CADPS2: variants seen among roughly 807,000 people sequenced by gnomAD.
The protein encoded by CADPS2 is calcium-dependent secretion activator 2.
Under a neutral mutation model 172.5 loss-of-function variants are expected in CADPS2, and 93 were observed. The observed-to-expected ratio is 0.54, with a 90% CI of 0.46 to 0.64. The LOEUF is 0.64. CADPS2 is among the 30% of genes least tolerant of loss of function. The probability of loss-of-function intolerance (pLI) is 0.00; values close to 1 mark genes in which losing one functional copy is unlikely to be tolerated. For missense variants in CADPS2, 1,420 were observed against 1,565.9 expected (o/e 0.91, Z 1.57); for synonymous variants, 546 against 555.2 (o/e 0.98, Z 0.23).
intron 2 of CADPS2, among the ~76,000 whole-genome samples, chr7:122,710,799 T>C (rs2088575920): frequency 6.6e-6 from 1 of 152,130 alleles, no homozygotes; most frequent in Non-Finnish European, 1.5e-5. Flanking sequence ...AATTTTGCCT[T>C]ATATTATATA....
chr7:122,521,963 T>C (rs2060839177), intron 8 of CADPS2, among the ~76,000 whole-genome samples: 1 of 152,122 alleles, frequency 6.6e-6, no homozygotes, highest in Non-Finnish European at 1.5e-5. Context: ...ACTAAAAATT[T>C]GCTTGCTATA....
chr7:122,682,337 A>C (rs1304785615), intron 2 of CADPS2, among the ~76,000 whole-genome samples: 1 of 152,212 alleles, frequency 6.6e-6, no homozygotes, highest in Non-Finnish European at 1.5e-5. Context: ...AAGTCAAAGA[A>C]GATACCAGCT....
Position 122,438,495 on chromosome 7 carries a change from G to A in CADPS2, c.2353-31C>T, listed in dbSNP as rs180958201. 754 of 1,609,854 alleles carry A rather than the reference G, an allele frequency of 4.7e-4. 7 individuals carry two copies. Among genetic ancestry groups the A allele is most frequent in the Non-Finnish European group, 2.7e-5 (32 of 1,177,388 alleles). ...GAGAGAGGAAGTGGAAGGGTGAGGG[G>A]CAGGGTTGGGGATAGACAGATGGAA... On this transcript the variant is annotated intron_variant, in intron 16 of 29. Transcript: ENST00000449022.
At chr7:122,395,710 C>T (rs1158107323) in intron 20 of CADPS2, among the ~76,000 whole-genome samples, 1 of 152,180 alleles carries the variant, frequency 6.6e-6, no homozygotes, top group East Asian at 1.9e-4. Context: ...TCCTCCTCCT[C>T]ATCCCTAGCA....
intron 25 of CADPS2, among the ~76,000 whole-genome samples, chr7:122,361,246 T>TA (rs199505684): frequency 3.2e-4 from 35 of 109,362 alleles, no homozygotes; most frequent in Non-Finnish European, 3.7e-4. Context: ...TTTTTTTTTT[T>TA]AAAATGAGAT....
intron 8 of CADPS2, among the ~76,000 whole-genome samples, chr7:122,538,085 A>G (rs943847588): frequency 4.0e-5 from 6 of 151,666 alleles, no homozygotes; most frequent in Admixed American, 2.0e-4. Context: ...TCCAGATATT[A>G]TTGAAAATAC....
chr7:122,455,937 A>G (rs1242212015), intron 14 of CADPS2, among the ~76,000 whole-genome samples: 1 of 152,116 alleles, frequency 6.6e-6, no homozygotes, highest in Non-Finnish European at 1.5e-5. Context: ...TCCTGGCCTC[A>G]GGTGATCCAC....
intron 29 of CADPS2, among the ~76,000 whole-genome samples, chr7:122,321,327 C>T (rs560043309): frequency 1.1e-4 from 17 of 152,212 alleles, no homozygotes; most frequent in Admixed American, 4.6e-4. Flanking sequence ...CTACTGCGCT[C>T]GGCTAACTTT....
At chr7:122,699,170 G>A (rs923387540) in intron 2 of CADPS2, 1 of 404,078 alleles carries the variant, frequency 2.5e-6, no homozygotes, top group African/African-American at 2.1e-5. Flanking sequence ...ATTGTGTGAT[G>A]TGATTATGAC....
chr7:122,357,135 C>G (rs1172785420), intron 27 of CADPS2, among the ~76,000 whole-genome samples: 1 of 152,182 alleles, frequency 6.6e-6, no homozygotes, highest in Admixed American at 6.5e-5. Flanking sequence ...ATTTCCAACT[C>G]TAATCCATTA....
At chr7:122,854,967 A>G (rs1278616653) in intron 1 of CADPS2, among the ~76,000 whole-genome samples, 1 of 152,250 alleles carries the variant, frequency 6.6e-6, no homozygotes, top group African/African-American at 2.4e-5. Context: ...TTTGTTATAT[A>G]TATGAAAATA....
chr7:122,382,025 T>C (rs966321523), intron 24 of CADPS2, among the ~76,000 whole-genome samples: 1 of 152,036 alleles, frequency 6.6e-6, no homozygotes, highest in Non-Finnish European at 1.5e-5. Context: ...GGCACATGAG[T>C]GTGAGAGAAA....
intron 1 of CADPS2, among the ~76,000 whole-genome samples, chr7:122,854,706 G>A (rs570897987): frequency 3.3e-5 from 5 of 152,158 alleles, no homozygotes; most frequent in South Asian, 2.1e-4. Context: ...CTTCAAGTGT[G>A]AGCAGCCAGC....
chr7:122,349,309 T>C (rs1269884566), intron 27 of CADPS2, among the ~76,000 whole-genome samples: 2 of 152,236 alleles, frequency 1.3e-5, no homozygotes, highest in African/African-American at 2.4e-5. Flanking sequence ...TTTCTTAATA[T>C]GAGAAAAATA....
At chr7:122,847,306 A>G (rs1812258087) in intron 1 of CADPS2, among the ~76,000 whole-genome samples, 1 of 152,056 alleles carries the variant, frequency 6.6e-6, no homozygotes, top group African/African-American at 2.4e-5. Flanking sequence ...AGGCTGGTCT[A>G]GAACTCCTGA....
intron 4 of CADPS2, among the ~76,000 whole-genome samples, chr7:122,627,190 T>C (rs999673152): frequency 6.6e-6 from 1 of 152,232 alleles, no homozygotes; most frequent in Admixed American, 6.5e-5. Flanking sequence ...AATAATCTTG[T>C]CTAAGCCTCA....
At chr7:122,709,522 A>G (rs1475087487) in intron 2 of CADPS2, among the ~76,000 whole-genome samples, 2 of 151,800 alleles carry the variant, frequency 1.3e-5, no homozygotes, top group South Asian at 2.1e-4. Context: ...ATCTAGAACT[A>G]GAAATACCAT....
intron 8 of CADPS2, among the ~76,000 whole-genome samples, chr7:122,514,249 T>G (rs1193364456): frequency 1.3e-5 from 2 of 151,242 alleles, no homozygotes; most frequent in Non-Finnish European, 3.0e-5. Context: ...TTTTTCAATA[T>G]TTTATAATCC....
chr7:122,874,427 AG>A (rs1820669058), intron 1 of CADPS2, among the ~76,000 whole-genome samples: 2 of 152,362 alleles, frequency 1.3e-5, no homozygotes, highest in Admixed American at 1.3e-4. Flanking sequence ...ATGGATAGGA[AG>A]AATCAATACC....
Sources: allele counts gnomAD v4.1 joint callset (sites outside exome capture counted in the v4.1 genomes callset), GRCh38; gene constraint gnomAD v4.1.1; transcripts MANE v1.5; gene names NCBI Gene and HGNC (gene_info 2026-07-23, HGNC 2026-07-21).